Variants in TRPM7 observed in about 807,000 individuals in gnomAD.
TRPM7 encodes the protein LTRPC ion channel family member 7.
TRPM7 carries 134 observed loss-of-function variants against 229.7 expected under a neutral mutation model. The observed-to-expected ratio is 0.58, with a 90% confidence interval of 0.51 to 0.67. The LOEUF is 0.67. Among genes scored for constraint, TRPM7 ranks in the 30% least tolerant of loss-of-function variants. TRPM7 has a pLI of 0.00. For synonymous variants in TRPM7, 699 were observed against 715.2 expected (o/e 0.98, Z 0.36); for missense variants, 1,901 against 2,210.0 (o/e 0.86, Z 2.80).
At chr15:50,604,836 A>C (rs765737552) in intron 21 of TRPM7, 30 bp downstream of exon 21, 20 of 1,525,840 alleles carry the variant, frequency 1.3e-5, no homozygotes, top group African/African-American at 2.8e-5. Context: ...CAATAAACCC[A>C]CGAGTATTAT....
chr15:50,619,857 T>C lies in TRPM7; in HGVS notation c.1441-59A>G, dbSNP rs1351344760. 2.8e-6 allele frequency: 4 copies of C among 1,431,166 alleles called. No individual in the cohort carries two copies. In the East Asian group the frequency reaches 9.3e-5, roughly 33 times the overall value. 88.7% of individuals were successfully genotyped at this position (1,431,166 alleles called of 1,614,324 possible). ...TTTTCTTCTAAACTAATTTAAACCT[T>C]ACAGGATTTTTATGAACCTTCTTAT... On this transcript the variant is annotated intron_variant, in intron 12 of 38. Transcript: ENST00000646667.
At chr15:50,633,092 G>T in intron 8 of TRPM7, 100 bp from the exon 9 acceptor site, 1 of 1,044,868 alleles carries the variant, frequency 9.6e-7, no homozygotes. Flanking sequence ...TGAAAATAAT[G>T]GATTAATATT....
chr15:50,685,311 A>G (rs1478417130), intron 1 of TRPM7, among the ~76,000 whole-genome samples: 1 of 152,192 alleles, frequency 6.6e-6, no homozygotes, highest in African/African-American at 2.4e-5. Flanking sequence ...TAAAAATGCA[A>G]AAATTAGCCG....
At chr15:50,671,703 G>A (rs1264775552) in intron 1 of TRPM7, among the ~76,000 whole-genome samples, 1 of 152,054 alleles carries the variant, frequency 6.6e-6, no homozygotes, top group Non-Finnish European at 1.5e-5. Context: ...CCAGCTACCT[G>A]GGAAGCTAAG....
At chr15:50,588,589 C>A (rs1471302495) in intron 27 of TRPM7, among the ~76,000 whole-genome samples, 1 of 152,166 alleles carries the variant, frequency 6.6e-6, no homozygotes. Flanking sequence ...ACGTCATTAT[C>A]ATTTCCTTGG....
At position 50,599,178 on chromosome 15, in the gene TRPM7, A is replaced by G. The variant is rs773110032; in HGVS notation, c.3107T>C (p.Ile1036Thr). ...AATCATCCAGTATGGGTGAAAAACT[A>G]TATCTTTAGCAAGAGTCCAAGATGG... Reference protein sequence around the residue: ...EAPSWTLAKDIVFHPYWMIFG... With the variant: ...EAPSWTLAKDTVFHPYWMIFG... The change falls in exon 22 of 39, where the codon ATA becomes ACA. Residue 1036 changes from isoleucine (I) to threonine (T), a missense_variant. Around this residue, in one of 8 missense-constraint regions of TRPM7, gnomAD observed 89 missense variants for 178.2 expected, o/e 0.50. Transcript: ENST00000646667. 5.7e-5 allele frequency: 92 copies of G among 1,613,268 alleles called. No homozygotes were observed. Among genetic ancestry groups the G allele is most frequent in the South Asian group, 2.3e-4 (21 of 90,954 alleles).
rs759583707 is a variant in TRPM7 at position 50,574,727 on chromosome 15, A to G, written c.5020-8T>C. On this transcript the variant is annotated splice_region_variant and splice_polypyrimidine_tract_variant and intron_variant, in intron 34 of 38. Coordinates refer to ENST00000646667, the MANE Select transcript of TRPM7 (RefSeq NM_017672.6). Reference sequence around the variant, plus strand: ...TCTCTGTTGTTGAATTTCCTATAAAAGGGAGGGTGGGGAGAACCCTTGTTT... The same window carrying G: ...TCTCTGTTGTTGAATTTCCTATAAAGGGGAGGGTGGGGAGAACCCTTGTTT... 1.2e-6 allele frequency: 2 copies of G among 1,611,798 alleles called. No homozygotes were observed. Among genetic ancestry groups the G allele is most frequent in the Non-Finnish European group, 1.7e-6 (2 of 1,179,200 alleles).
intron 4 of TRPM7, among the ~76,000 whole-genome samples, chr15:50,647,328 A>T: frequency 6.6e-6 from 1 of 151,888 alleles, no homozygotes; most frequent in East Asian, 2.0e-4. Context: ...ACAGGGTTTC[A>T]CTATGTTGGC....
intron 4 of TRPM7, among the ~76,000 whole-genome samples, chr15:50,646,875 G>A (rs2061281530): frequency 6.6e-6 from 1 of 152,026 alleles, no homozygotes; most frequent in Non-Finnish European, 1.5e-5. Flanking sequence ...ATTTCCCATT[G>A]TGTTACACTG....
At chr15:50,646,295 T>A (rs1386620585) in intron 4 of TRPM7, among the ~76,000 whole-genome samples, 2 of 152,052 alleles carry the variant, frequency 1.3e-5, no homozygotes, top group East Asian at 3.9e-4. Context: ...TTGTTATTTG[T>A]TTTTCAGGCA....
chr15:50,665,609 T>C (rs1436125500), intron 1 of TRPM7, among the ~76,000 whole-genome samples: 8 of 152,140 alleles, frequency 5.3e-5, no homozygotes, highest in Admixed American at 4.6e-4. Flanking sequence ...AAGTGAATAA[T>C]AGTGAAAATT....
At chr15:50,626,493 GAAGA>G (rs1343157035) in intron 11 of TRPM7, among the ~76,000 whole-genome samples, 3 of 152,100 alleles carry the variant, frequency 2.0e-5, no homozygotes, top group Non-Finnish European at 4.4e-5. Context: ...TGGCAAGCAA[GAAGA>G]AAGAAGAAAA....
chr15:50,597,555 G>A (rs189886960), intron 22 of TRPM7, among the ~76,000 whole-genome samples: 5 of 152,196 alleles, frequency 3.3e-5, no homozygotes, highest in Admixed American at 6.5e-5. Context: ...GAGAATGCAG[G>A]AAACTAAAAA....
intron 20 of TRPM7, among the ~76,000 whole-genome samples, 189 bp downstream of exon 20, chr15:50,607,011 A>G (rs919895533): frequency 1.3e-5 from 2 of 152,082 alleles, no homozygotes; most frequent in Non-Finnish European, 2.9e-5. Flanking sequence ...GCAACAAAGT[A>G]TACAGCATAC....
rs756834779 is a variant in TRPM7, at chr15:50,632,883, T to C, written c.1117A>G (p.Lys373Glu). Residue 373 changes from lysine to glutamate, a missense_variant, in exon 9 of 39, where the codon AAA becomes GAA. This residue lies in a region of TRPM7 where 794 missense variants were observed against 881.9 expected (regional missense o/e 0.90). Transcript: ENST00000646667. ...AATCTACTTACAAGCTCCTTTCTTT[T>C]CATGCACTCCATCAGTGTTTGAAAT... ...HLFQTLMECM[K>E]RKELITVFHI... is the part of the protein sequence containing the mutation. 1 of 1,539,674 alleles carries C rather than the reference T, an allele frequency of 6.5e-7. No homozygotes were observed. The highest frequency in any genetic ancestry group is 8.7e-7 in the Non-Finnish European group (1 of 1,150,850).
chr15:50,626,498 A>C (rs2060564043), intron 11 of TRPM7, among the ~76,000 whole-genome samples: 1 of 152,182 alleles, frequency 6.6e-6, no homozygotes, highest in African/African-American at 2.4e-5. Flanking sequence ...AGCAAGAAGA[A>C]AGAAGAAAAA....
chr15:50,573,075 T>C (rs981628081), intron 36 of TRPM7, among the ~76,000 whole-genome samples: 6 of 152,202 alleles, frequency 3.9e-5, no homozygotes, highest in African/African-American at 1.4e-4. Context: ...CTTTCATATA[T>C]ATGAAAGTCT....
intron 1 of TRPM7, among the ~76,000 whole-genome samples, chr15:50,671,936 T>C (rs907148984): frequency 6.6e-6 from 1 of 152,180 alleles, no homozygotes; most frequent in Non-Finnish European, 1.5e-5. Context: ...GTATGGCATA[T>C]ACAACTATGT....
intron 13 of TRPM7, among the ~76,000 whole-genome samples, chr15:50,616,521 T>G (rs972188503): frequency 6.6e-6 from 1 of 152,180 alleles, no homozygotes; most frequent in African/African-American, 2.4e-5. Flanking sequence ...AGATTAATAG[T>G]TACCATAGGT....
Sources: gnomAD v4.1 joint callset for allele counts (sites outside exome capture counted in the v4.1 genomes callset) on GRCh38, gnomAD v4.1.1 for gene constraint, gnomAD v4.1.1 regional missense constraint, MANE v1.5 for transcripts, NCBI Gene and HGNC (gene_info 2026-07-23, HGNC 2026-07-21) for gene names.